The following MCM5 variants were observed in gnomAD, a reference collection of about 807,000 sequenced individuals.
MCM5 encodes DNA replication licensing factor MCM5.
In MCM5, 46 loss-of-function variants were observed where a neutral mutation model predicts 79.9. The ratio of observed to expected loss-of-function variants is 0.58; its 90% CI spans 0.45 to 0.74. The LOEUF (loss-of-function observed/expected upper bound fraction) is 0.74, where lower values mean the gene tolerates loss of function less well. MCM5 is among the 30% of genes least tolerant of loss of function. The pLI is 0.00. For missense variants in MCM5, 883 were observed against 1,017.0 expected, an observed-to-expected ratio of 0.87 and a Z score of 1.79; for synonymous variants, 404 against 390.5, an observed-to-expected ratio of 1.03 and a Z score of -0.41.
At position 35,417,791 on chromosome 22, in the gene MCM5, G is replaced by C. The variant is rs1338237233; in HGVS notation, c.1638G>C (p.Gln546His). 2 of 1,614,064 alleles carry C rather than the reference G, an allele frequency of 1.2e-6. No homozygotes were observed. The highest frequency in any genetic ancestry group is 2.7e-5 in the African/African-American group (2 of 74,936). Residue 546 changes from glutamine to histidine, a missense_variant, in exon 13 of 17, where the codon CAG (glutamine) becomes CAC (histidine). Around this residue, in one of 3 missense-constraint regions of MCM5, gnomAD observed 426 missense variants for 482.3 expected, o/e 0.88. Coordinates refer to ENST00000216122, the MANE Select transcript of MCM5 (RefSeq NM_006739.4). ...CTCTGCACGTGAGCGCACTGACACA[G>C]ACACAGGCTGTGGAGGGCGAGATTG... ...VITLHVSALT[Q>H]TQAVEGEIDL...
chr22:35,439,964 C>G, the MCM5 span, among the ~76,000 whole-genome samples: 1 of 152,242 alleles, frequency 6.6e-6, no homozygotes, highest in Non-Finnish European at 1.5e-5. Context: ...CTGAGAAGAA[C>G]GTGAAAGTGA....
At chr22:35,401,300 C>T (rs1932041618) in intron 2 of MCM5, 1 of 434,248 alleles carries the variant, frequency 2.3e-6, no homozygotes, top group Non-Finnish European at 4.9e-6. Context: ...ACTCAAGTTC[C>T]CTGTAGGTGT....
chr22:35,418,511 T>G (rs968153649), intron 13 of MCM5, among the ~76,000 whole-genome samples: 1 of 151,914 alleles, frequency 6.6e-6, no homozygotes, highest in Non-Finnish European at 1.5e-5. Context: ...AATACAAAAA[T>G]TAGCCGGGTG....
chr22:35,401,657 C>T (rs184973413), intron 2 of MCM5: 337 of 471,200 alleles, frequency 7.2e-4, no homozygotes, highest in African/African-American at 6.1e-3. Context: ...CTTTCACTTA[C>T]TCATGCAGCA....
Position 35,412,557 on chromosome 22 carries a change from C to T in MCM5, c.967C>T (p.Arg323Cys), listed in dbSNP as rs199849804. 7.0e-6 allele frequency: 11 copies of T among 1,580,574 alleles called. No individual in the cohort carries two copies. Among genetic ancestry groups the T allele is most frequent in the African/African-American group, 1.4e-5 (1 of 73,542 alleles). The change falls in exon 8 of 17, where the codon CGT becomes TGT. Residue 323 changes from arginine (R) to cysteine (C), a missense_variant. Arg to Cys is a radical substitution (Grantham distance 180). This residue lies in a region of MCM5 where 455 missense variants were observed against 517.5 expected (regional missense o/e 0.88). Transcript: ENST00000216122. ...AVSPQEEEEF[R>C]RLAALPNVYE... is the part of the protein sequence containing the mutation. Reference sequence around the variant, plus strand: ...GAGCCCCCAGGAGGAGGAGGAGTTCCGTCGCCTGGCTGCCCTCCCAAATGT... The same window carrying T: ...GAGCCCCCAGGAGGAGGAGGAGTTCTGTCGCCTGGCTGCCCTCCCAAATGT...
chr22:35,437,354 C>A, the MCM5 span, among the ~76,000 whole-genome samples: 1 of 152,208 alleles, frequency 6.6e-6, no homozygotes, highest in Admixed American at 6.5e-5. Flanking sequence ...GAGAGAGGTT[C>A]TCTCACTTTC....
the MCM5 span, among the ~76,000 whole-genome samples, chr22:35,438,856 T>TCC: frequency 8.2e-5 from 9 of 109,602 alleles, no homozygotes; most frequent in East Asian, 3.6e-4. Context: ...TCCACCCACA[T>TCC]ATCCATCCAT....
the MCM5 span, among the ~76,000 whole-genome samples, chr22:35,452,294 C>G: frequency 3.3e-5 from 5 of 152,086 alleles, no homozygotes; most frequent in African/African-American, 9.7e-5. Context: ...ACGCAGGCCT[C>G]GACCACACCA....
intron 9 of MCM5, among the ~76,000 whole-genome samples, chr22:35,414,797 G>T (rs193043707): frequency 6.6e-6 from 1 of 152,258 alleles, no homozygotes; most frequent in Non-Finnish European, 1.5e-5. Flanking sequence ...CTTGGCCCAG[G>T]TCTCACTGCT....
chr22:35,454,509 T>TG, the MCM5 span, among the ~76,000 whole-genome samples: 2 of 152,000 alleles, frequency 1.3e-5, no homozygotes, highest in Non-Finnish European at 2.9e-5. Context: ...AAGAGGTTCC[T>TG]GTGACACAGA....
intron 5 of MCM5, among the ~76,000 whole-genome samples, chr22:35,407,271 T>G (rs753176016): frequency 2.0e-5 from 3 of 152,084 alleles, no homozygotes; most frequent in Non-Finnish European, 4.4e-5. Flanking sequence ...CGCTGGTGCC[T>G]CCTCAGCTTC....
chr22:35,426,355 G>A (rs1033287327), downstream of MCM5, among the ~76,000 whole-genome samples: 12 of 152,176 alleles, frequency 7.9e-5, no homozygotes, highest in African/African-American at 2.9e-4. Context: ...CTGAGTAATA[G>A]TTGGGGCTCG....
the MCM5 span, among the ~76,000 whole-genome samples, chr22:35,452,047 TTTTTC>T: frequency 2.6e-5 from 4 of 152,118 alleles, no homozygotes; most frequent in Admixed American, 6.5e-5. Flanking sequence ...CTTCTGCCCT[TTTTTC>T]TTCCCTCTCC....
In MCM5 at chr22:35,400,629, G is replaced by C. The variant is rs202206346; in HGVS notation, c.167+24G>C. 83 of 1,570,002 alleles carry C rather than the reference G, an allele frequency of 5.3e-5. No homozygotes were observed. In the East Asian group the frequency reaches 1.2e-3, roughly 23 times the overall value. Reference sequence around the variant, plus strand: ...AGGTGCGGCTCCTGCGGGGCCGGGGGCTCGAGTTCCAGTGTGGCCGCTCAC... The same window carrying C: ...AGGTGCGGCTCCTGCGGGGCCGGGGCCTCGAGTTCCAGTGTGGCCGCTCAC... On this transcript the variant is annotated intron_variant, in intron 2 of 16. Transcript: ENST00000216122.
At chr22:35,409,713 T>C (rs1405122063) in intron 6 of MCM5, 1 of 152,218 alleles carries the variant, frequency 6.6e-6, no homozygotes, top group Non-Finnish European at 1.5e-5. Context: ...TGCATGCAGA[T>C]GTTCTGAGGA....
intron 7 of MCM5, chr22:35,411,571 G>C (rs146005864): frequency 6.6e-6 from 1 of 152,354 alleles, no homozygotes; most frequent in Admixed American, 6.5e-5. Context: ...CTTGAGTGCC[G>C]AGATGGGGAG....
downstream of MCM5, among the ~76,000 whole-genome samples, chr22:35,429,627 C>G (rs544433598): frequency 6.6e-6 from 1 of 152,078 alleles, no homozygotes; most frequent in South Asian, 2.1e-4. Context: ...ACCTCCACCT[C>G]CTGGTTCAAG....
chr22:35,405,677 C>G (rs1932191446), intron 4 of MCM5, among the ~76,000 whole-genome samples: 1 of 152,052 alleles, frequency 6.6e-6, no homozygotes, highest in Non-Finnish European at 1.5e-5. Flanking sequence ...TTTGAAGAGT[C>G]ATTTTTAAAG....
rs2307338 is a variant in MCM5, at chr22:35,420,022, C to G, written c.1832+10C>G. The G allele has an allele frequency of 1.2e-6, 2 of 1,602,026 alleles. No homozygotes were observed. Among genetic ancestry groups the G allele is most frequent in the Non-Finnish European group, 1.7e-6 (2 of 1,172,666 alleles). On this transcript the variant is annotated intron_variant, in intron 14 of 16. Coordinates refer to ENST00000216122, the MANE Select transcript of MCM5 (RefSeq NM_006739.4). ...TCCCCATCACTGTGCGGTGAGCAGGCGGGCAGGGCTGGGCCATGGCAGATG... is the reference window on the plus strand; with the variant it reads ...TCCCCATCACTGTGCGGTGAGCAGGGGGGCAGGGCTGGGCCATGGCAGATG...
Sources: gnomAD v4.1 joint callset for allele counts (sites outside exome capture counted in the v4.1 genomes callset) on GRCh38, gnomAD v4.1.1 for gene constraint, gnomAD v4.1.1 regional missense constraint, MANE v1.5 for transcripts, NCBI Gene and HGNC (gene_info 2026-07-23, HGNC 2026-07-21) for gene names.